The following BRD7 variants were observed in gnomAD, a reference collection of about 807,000 sequenced individuals.
BRD7 encodes the protein bromodomain containing 7.
Under a neutral mutation model 82.1 loss-of-function variants are expected in BRD7, and 15 were observed. The ratio of observed to expected loss-of-function variants is 0.18; its 90% CI spans 0.12 to 0.28. The LOEUF (loss-of-function observed/expected upper bound fraction) is 0.28, where lower values mean the gene tolerates loss of function less well. Ranked by LOEUF, BRD7 falls within the 10% of genes least tolerant of loss-of-function variation. BRD7 has a pLI of 1.00. For synonymous variants in BRD7, 232 were observed against 266.9 expected, an observed-to-expected ratio of 0.87 and a Z score of 1.27; for missense variants, 638 against 779.9, an observed-to-expected ratio of 0.82 and a Z score of 2.17.
chr16:50,368,572 G>A (rs1280602374), intron 1 of BRD7, 154 bp downstream of exon 1: 11 of 809,250 alleles, frequency 1.4e-5, no homozygotes, highest in Middle Eastern at 4.0e-4. Context: ...CCGCACGGGG[G>A]GCAGCGCGGC....
At chr16:50,336,619 A>AT (rs894187130) in intron 6 of BRD7, among the ~76,000 whole-genome samples, 1 of 152,210 alleles carries the variant, frequency 6.6e-6, no homozygotes, top group Non-Finnish European at 1.5e-5. Flanking sequence ...ATCTTATTTG[A>AT]TTTTTAAAAA....
intron 5 of BRD7, among the ~76,000 whole-genome samples, chr16:50,342,095 C>G (rs1399759238): frequency 6.6e-6 from 1 of 151,874 alleles, no homozygotes; most frequent in African/African-American, 2.4e-5. Flanking sequence ...TATGATAAAC[C>G]CTAACCTGCT....
chr16:50,353,263 C>G (rs142025482), intron 4 of BRD7, among the ~76,000 whole-genome samples: 391 of 151,914 alleles, frequency 2.6e-3, no homozygotes, highest in Middle Eastern at 0.01. Flanking sequence ...TGGGGTCTCA[C>G]TATGTTGCCC....
intron 5 of BRD7, among the ~76,000 whole-genome samples, chr16:50,343,397 C>G (rs1225983256): frequency 6.6e-6 from 1 of 152,208 alleles, no homozygotes; most frequent in African/African-American, 2.4e-5. Context: ...ATGAGTGATG[C>G]AGAAGACTGG....
rs982463767 is a variant in BRD7, at chr16:50,317,409, G to C, written c.*1802C>G. On this transcript the variant is annotated 3_prime_UTR_variant, in exon 17 of 17. Transcript: ENST00000394688. The stretch of plus-strand genomic sequence containing the variant: ...TGCCCGGCGGGGGCTCTCCTGGCAA[G>C]TCAGGAAGGTTTCTGTTGCTAATAT... The C allele has an allele frequency of 7.3e-5, 11 of 150,440 alleles. No individual in the cohort carries two copies. Among genetic ancestry groups the C allele is most frequent in the African/African-American group, 2.8e-4 (11 of 39,632 alleles). 9.3% of individuals were successfully genotyped at this position (150,440 alleles called of 1,614,324 possible). A position where few individuals can be genotyped will look rare whatever the true frequency, so the allele number is the denominator to read the frequency against.
Position 50,318,860 on chromosome 16 carries a change from A to T in BRD7, c.*351T>A, listed in dbSNP as rs147159153. Reference sequence around the variant, plus strand: ...GGCAGAACCACAGTAGTAAATTCTAAAATTATTTCAAGTATGTTCGTATAA... The same window carrying T: ...GGCAGAACCACAGTAGTAAATTCTATAATTATTTCAAGTATGTTCGTATAA... On this transcript the variant is annotated 3_prime_UTR_variant, in exon 17 of 17. Transcript: ENST00000394688. 470 of 186,920 alleles carry T rather than the reference A, an allele frequency of 2.5e-3. 3 individuals carry two copies. Among genetic ancestry groups the T allele is most frequent in the African/African-American group, 0.01 (442 of 42,664 alleles). The allele number at this position is 186,920 out of a possible 1,614,324, so 11.6% of individuals were successfully genotyped here. A position where few individuals can be genotyped will look rare whatever the true frequency, so the allele number is the denominator to read the frequency against.
At chr16:50,321,625 G>GACTC (rs2037117554) in intron 13 of BRD7, among the ~76,000 whole-genome samples, 1 of 114,410 alleles carries the variant, frequency 8.7e-6, no homozygotes, top group South Asian at 3.1e-4. Flanking sequence ...GAATCATTAA[G>GACTC]ACTCAGGGGT....
chr16:50,327,017 T>C (rs1203354471), intron 9 of BRD7, among the ~76,000 whole-genome samples: 1 of 152,206 alleles, frequency 6.6e-6, no homozygotes, highest in Middle Eastern at 3.2e-3. Flanking sequence ...TCTGAGTTTG[T>C]GTCACATGAT....
chr16:50,327,107 C>G (rs1017288864), intron 9 of BRD7, among the ~76,000 whole-genome samples: 4 of 152,212 alleles, frequency 2.6e-5, no homozygotes, highest in African/African-American at 9.6e-5. Flanking sequence ...TAAATCAGAT[C>G]TTCTCTCCTC....
Position 50,317,818 on chromosome 16 carries a change from C to T in BRD7, c.*1393G>A, listed in dbSNP as rs2036876113. ...AGTGACCTTCTCCATGGGTCAAGGACTTCCTTACAATTTCTCCTGAGTTAA... is the reference window on the plus strand; with the variant it reads ...AGTGACCTTCTCCATGGGTCAAGGATTTCCTTACAATTTCTCCTGAGTTAA... On this transcript the variant is annotated 3_prime_UTR_variant, in exon 17 of 17. Coordinates refer to ENST00000394688, the MANE Select transcript of BRD7 (RefSeq NM_013263.5). 1 of 152,336 alleles carries T rather than the reference C, an allele frequency of 6.6e-6. No homozygotes were observed. Among genetic ancestry groups the T allele is most frequent in the East Asian group, 1.9e-4 (1 of 5,340 alleles). 9.4% of individuals were successfully genotyped at this position (152,336 alleles called of 1,614,324 possible). A position where few individuals can be genotyped will look rare whatever the true frequency, so the allele number is the denominator to read the frequency against.
chr16:50,331,948 G>A (rs1289715168), intron 8 of BRD7, among the ~76,000 whole-genome samples: 2 of 152,150 alleles, frequency 1.3e-5, no homozygotes, highest in Non-Finnish European at 1.5e-5. Context: ...GCAGAAGAAT[G>A]AAACTGAACT....
intron 5 of BRD7, among the ~76,000 whole-genome samples, chr16:50,342,422 T>C (rs2038103477): frequency 6.7e-6 from 1 of 149,588 alleles, no homozygotes; most frequent in East Asian, 2.0e-4. Context: ...TATCAATATG[T>C]GGATGAAAAA....
chr16:50,362,228 C>A (rs771521432), intron 2 of BRD7, among the ~76,000 whole-genome samples: 1 of 152,192 alleles, frequency 6.6e-6, no homozygotes, highest in Admixed American at 6.5e-5. Context: ...TAGAACCCTG[C>A]CTCTGTTAGG....
At chr16:50,355,028 C>G (rs1427185800) in intron 2 of BRD7, 106 bp from the exon 3 acceptor site, 2 of 1,341,704 alleles carry the variant, frequency 1.5e-6, no homozygotes, top group Non-Finnish European at 2.0e-6. Context: ...AGAAAATATT[C>G]TTAATAACAA....
intron 2 of BRD7, among the ~76,000 whole-genome samples, chr16:50,355,532 C>T (rs972018381): frequency 6.6e-6 from 1 of 152,188 alleles, no homozygotes; most frequent in Non-Finnish European, 1.5e-5. Context: ...CAGAAGAGAT[C>T]AGAGCCCAGA....
At chr16:50,335,728 G>A (rs530637714) in intron 6 of BRD7, among the ~76,000 whole-genome samples, 7 of 152,216 alleles carry the variant, frequency 4.6e-5, no homozygotes, top group African/African-American at 1.7e-4. Context: ...CAAGAACAAC[G>A]CAGCCCAGGA....
At chr16:50,328,974 T>G (rs1236133062) in intron 8 of BRD7, among the ~76,000 whole-genome samples, 2 of 152,326 alleles carry the variant, frequency 1.3e-5, no homozygotes, top group African/African-American at 4.8e-5. Context: ...CAATAAATAA[T>G]TTTGTGCACC....
intron 15 of BRD7, 72 bp downstream of exon 15, chr16:50,320,176 T>C: frequency 1.3e-6 from 2 of 1,546,034 alleles, no homozygotes; most frequent in Non-Finnish European, 1.7e-6. Flanking sequence ...TATAGTGGCA[T>C]CACCACTGTA....
Position 50,332,092 on chromosome 16 carries a change from T to C in BRD7, c.1011+1482A>G, listed in dbSNP as rs150842236. Among the ~76,000 whole-genome samples, 458 of 152,290 alleles carry C rather than the reference T, an allele frequency of 3.0e-3. 3 individuals carry two copies. Among genetic ancestry groups the C allele is most frequent in the African/African-American group, 0.01 (433 of 41,566 alleles). On this transcript the variant is annotated intron_variant, in intron 8 of 16. Coordinates refer to ENST00000394688, the MANE Select transcript of BRD7 (RefSeq NM_013263.5). ...ACATGGGCCTCGGCAAAGAATTTTC[T>C]ATGTTCTCAAAAGCAAAAGTGACAA...
Sources: gnomAD v4.1 joint callset for allele counts (sites outside exome capture counted in the v4.1 genomes callset) on GRCh38, gnomAD v4.1.1 for gene constraint, MANE v1.5 for transcripts, NCBI Gene and HGNC (gene_info 2026-07-23, HGNC 2026-07-21) for gene names.